Variants in TTN observed in about 807,000 individuals in gnomAD.
The protein encoded by TTN is titin, also known as connectin.
A neutral mutation model predicts 3,223.0 loss-of-function variants in TTN; 1,525 were observed. The observed-to-expected ratio is 0.47, with a 90% CI of 0.45 to 0.49. TTN has a LOEUF of 0.49. Among genes scored for constraint, TTN ranks in the 20% least tolerant of loss-of-function variants. The pLI is 0.00. For synonymous variants in TTN, 14,094 were observed against 15,161.0 expected (o/e 0.93, Z 5.17); for missense variants, 40,786 against 43,424.0 (o/e 0.94, Z 5.40).
rs2154143503 is a variant in TTN at position 178,543,436 on chromosome 2, C to T, written c.96537G>A (p.Val32179=). ...CAATGCCATAAATATTTTCTGGCAG[C>T]ACTCTGAAATAGTACATGGTTCCTT... ...LVEGTMYYFR[V]LPENIYGIGE... The change falls in exon 347 of 363, where the codon GTG becomes GTA. Residue 32179 remains valine (V), a synonymous_variant. Transcript: ENST00000589042. 1.2e-6 allele frequency: 2 copies of T among 1,613,792 alleles called. No individual in the cohort carries two copies. The highest frequency in any genetic ancestry group is 2.7e-5 in the African/African-American group (2 of 75,046).
rs2154208306 is a variant in TTN at position 178,616,895 on chromosome 2, A to G, written c.47994T>C (p.Phe15998=). 6.2e-7 allele frequency: 1 copy of G among 1,612,712 alleles called. No homozygotes were observed. Among genetic ancestry groups the G allele is most frequent in the Non-Finnish European group, 8.5e-7 (1 of 1,179,196 alleles). ...GYPRPTATWC[F]GDKVLETGDR... ...CCCCTGTTTCTAGTACTTTATCTCC[A>G]AAACACCAGGTTGCAGTTGGCCTTG... The change falls in exon 256 of 363, where the codon TTT becomes TTC. Residue 15998 remains phenylalanine, a synonymous_variant. Transcript: ENST00000589042.
intron 33 of TTN, 129 bp from the exon 34 acceptor site, chr2:178,771,600 G>GT (rs1424786850): frequency 1.5e-6 from 2 of 1,343,816 alleles, no homozygotes; most frequent in Non-Finnish European, 2.1e-6. Flanking sequence ...GTCTATGATT[G>GT]TTTTTACCCA....
In TTN at chr2:178,776,101, T is replaced by A; in HGVS notation, c.5763A>T (p.Ile1921=). ...KVTAENPEGV[I]EHKVKLEIQQ... Reference sequence around the variant, plus strand: ...GAATCTCAAGCTTCACTTTATGCTCTATCACACCTTCAGGATTTTCCGCGG... The same window carrying A: ...GAATCTCAAGCTTCACTTTATGCTCAATCACACCTTCAGGATTTTCCGCGG... The change falls in exon 28 of 363, where the codon ATA becomes ATT. Residue 1921 remains isoleucine (I), a synonymous_variant. Transcript: ENST00000589042. 4 of 1,614,176 alleles carry A rather than the reference T, an allele frequency of 2.5e-6. No individual in the cohort carries two copies. Among genetic ancestry groups the A allele is most frequent in the Non-Finnish European group, 3.4e-6 (4 of 1,180,000 alleles).
At position 178,630,786 on chromosome 2, in the gene TTN, G is replaced by A; in HGVS notation, c.44154+18C>T. ...ACACAGCTCCTTTAGGTGTTGACAA[G>A]TTCAGAAATAGCCTTACAGGTGTTT... On this transcript the variant is annotated intron_variant, in intron 238 of 362. Coordinates refer to ENST00000589042, the MANE Select transcript of TTN (RefSeq NM_001267550.2). 1 of 1,604,668 alleles carries A rather than the reference G, an allele frequency of 6.2e-7. No homozygotes were observed. Among genetic ancestry groups the A allele is most frequent in the East Asian group, 2.2e-5 (1 of 44,744 alleles).
At position 178,551,921 on chromosome 2, in the gene TTN, G is replaced by A; in HGVS notation, c.90979C>T (p.Pro30327Ser). The A allele has an allele frequency of 6.2e-7, 1 of 1,613,692 alleles. No individual in the cohort carries two copies. Among genetic ancestry groups the A allele is most frequent in the Non-Finnish European group, 8.5e-7 (1 of 1,179,702 alleles). ...TTGTATATAACTGGCTTTCCTGGGGGACCAGGAATCCTGAACTGGTGTTTT... is the reference window on the plus strand; with the variant it reads ...TTGTATATAACTGGCTTTCCTGGGGAACCAGGAATCCTGAACTGGTGTTTT... ...VAKHQFRIPG[P>S]PGKPVIYNVT... is the part of the protein sequence containing the mutation. The change falls in exon 335 of 363, where the codon CCC becomes TCC. Residue 30327 changes from proline to serine, a missense_variant. Coordinates refer to ENST00000589042, the MANE Select transcript of TTN (RefSeq NM_001267550.2).
chr2:178,786,098 G>A lies in TTN; in HGVS notation c.2120C>T (p.Ala707Val). ...KKAEAVATVV[A>V]AVDQARVREP... is the part of the protein sequence containing the mutation. ...TCTGACTCGGGCCTGGTCTACTGCA[G>A]CAACAACTGTTGCTACAGCTTCAGC... Residue 707 changes from alanine (A) to valine (V), a missense_variant, in exon 14 of 363, where the codon GCT becomes GTT. Physicochemically the swap from Ala to Val is moderately conservative, Grantham distance 64. Coordinates refer to ENST00000589042, the MANE Select transcript of TTN (RefSeq NM_001267550.2). The A allele has an allele frequency of 6.2e-7, 1 of 1,613,978 alleles. No homozygotes were observed.
Position 178,527,315 on chromosome 2 carries a change from GAA to G in TTN, c.107681-10_107681-9del, listed in dbSNP as rs777330565. 1 of 1,579,424 alleles carries G rather than the reference GAA, an allele frequency of 6.3e-7. No homozygotes were observed. Among genetic ancestry groups the G allele is most frequent in the East Asian group, 2.2e-5 (1 of 44,474 alleles). ...CAATTTTAGGCGGAATTCCTTTATGGAACAATGACAAAAAAAAGGTCTTAGAA... is the reference window on the plus strand; with the variant it reads ...CAATTTTAGGCGGAATTCCTTTATGGCAATGACAAAAAAAAGGTCTTAGAA... On this transcript the variant is annotated splice_polypyrimidine_tract_variant and intron_variant, in intron 362 of 362. Transcript: ENST00000589042.
chr2:178,685,683 A>C (rs2070671273), intron 127 of TTN, 85 bp from the exon 128 acceptor site: 5 of 1,350,996 alleles, frequency 3.7e-6, no homozygotes, highest in Non-Finnish European at 5.1e-6. Flanking sequence ...TCAAAGAGTA[A>C]TCAAAATAGC....
Position 178,713,976 on chromosome 2 carries a change from C to T in TTN, c.26682G>A (p.Pro8894=), listed in dbSNP as rs142812510. ...CAAAACTGTATACCCCACTGTCACT[C>T]GGTGCTACATTGATGATCTTAAGGC... ...VSGLKIINVA[P]SDSGVYSFEV... Residue 8894 remains proline (P), a synonymous_variant, in exon 92 of 363, where the codon CCG becomes CCA. Transcript: ENST00000589042. 5,981 of 1,613,606 alleles carry T rather than the reference C, an allele frequency of 3.7e-3. 37 individuals carry two copies. Among genetic ancestry groups the T allele is most frequent in the South Asian group, 0.017 (1,557 of 91,058 alleles).
intron 47 of TTN, chr2:178,752,025 C>A: frequency 6.3e-7 from 1 of 1,582,934 alleles, no homozygotes; most frequent in Admixed American, 1.9e-5. Context: ...TCAGATTCCC[C>A]CTCAGAGAAT....
rs767404466 is a variant in TTN, at chr2:178,664,099, C to G, written c.36281-1G>C. On this transcript the variant is annotated splice_acceptor_variant, in intron 168 of 362. Coordinates refer to ENST00000589042, the MANE Select transcript of TTN (RefSeq NM_001267550.2). LOFTEE classifies it high-confidence loss of function. The stretch of plus-strand genomic sequence containing the variant: ...ATAATCTCTTTGGGAGCTTCGTGCA[C>G]TTGAAAGATATTAGTATTTTTACAC... 6 of 1,607,266 alleles carry G rather than the reference C, an allele frequency of 3.7e-6. No individual in the cohort carries two copies. The highest frequency in any genetic ancestry group is 5.1e-6 in the Non-Finnish European group (6 of 1,178,092).
rs777365068 is a variant in TTN at position 178,781,230 on chromosome 2, T to C, written c.3414A>G (p.Glu1138=). 3.7e-6 allele frequency: 6 copies of C among 1,613,960 alleles called. No homozygotes were observed. Among genetic ancestry groups the C allele is most frequent in the African/African-American group, 2.7e-5 (2 of 74,946 alleles). The part of the protein sequence containing the change: ...YKVSYNKQTG[E]CKLVISMTFA... ...AAGTCATAGAAATCACCAGCTTGCATTCACCGGTTTGTTTGTTGTAACTCA... is the reference window on the plus strand; with the variant it reads ...AAGTCATAGAAATCACCAGCTTGCACTCACCGGTTTGTTTGTTGTAACTCA... The change falls in exon 21 of 363, where the codon GAA becomes GAG. Residue 1138 remains glutamate, a synonymous_variant. Coordinates refer to ENST00000589042, the MANE Select transcript of TTN (RefSeq NM_001267550.2).
Position 178,565,987 on chromosome 2 carries a change from G to A in TTN, c.80145C>T (p.Val26715=), listed in dbSNP as rs761074887. ...CACGTTTGTCAATCACATAGTTCTT[G>A]ACCTTTGCCCCTCCATCAATGATGG... ...EPPIIDGGAK[V]KNYVIDKRES... is the part of the protein sequence containing the mutation. The change falls in exon 326 of 363, where the codon GTC becomes GTT. Residue 26715 remains valine (V), a synonymous_variant. Transcript: ENST00000589042. 6.2e-7 allele frequency: 1 copy of A among 1,613,522 alleles called. No homozygotes were observed. Among genetic ancestry groups the A allele is most frequent in the East Asian group, 2.2e-5 (1 of 44,834 alleles).
Position 178,549,980 on chromosome 2 carries a change from A to T in TTN, c.91852+6T>A. Reference sequence around the variant, plus strand: ...TTGTAGCATTAAGAAGCTATTTTAAAAGTACCTTGTACTTTCACTTTAATT... The same window carrying T: ...TTGTAGCATTAAGAAGCTATTTTAATAGTACCTTGTACTTTCACTTTAATT... On this transcript the variant is annotated splice_donor_region_variant and intron_variant, in intron 337 of 362. Coordinates refer to ENST00000589042, the MANE Select transcript of TTN (RefSeq NM_001267550.2). The T allele has an allele frequency of 6.3e-7, 1 of 1,597,032 alleles. No individual in the cohort carries two copies. Among genetic ancestry groups the T allele is most frequent in the Non-Finnish European group, 8.5e-7 (1 of 1,169,714 alleles).
intron 304 of TTN, 84 bp from the exon 305 acceptor site, chr2:178,588,303 A>AATAT: frequency 7.7e-7 from 1 of 1,302,126 alleles, no homozygotes; most frequent in Non-Finnish European, 1.0e-6. Flanking sequence ...CAGTTAATCA[A>AATAT]ATATAGGTCA....
At position 178,575,468 on chromosome 2, in the gene TTN, T is replaced by C. The variant is rs1246011660; in HGVS notation, c.70664A>G (p.Lys23555Arg). ...TKSTVSLAWP[K>R]PKHDGGSKIT... ...CTTGCTGCCACCATCGTGTTTGGGCTTAGGCCATGCCAGGCTGACGGTGCT... is the reference window on the plus strand; with the variant it reads ...CTTGCTGCCACCATCGTGTTTGGGCCTAGGCCATGCCAGGCTGACGGTGCT... The change falls in exon 326 of 363, where the codon AAG (lysine) becomes AGG (arginine). Residue 23555 changes from lysine to arginine, a missense_variant. Transcript: ENST00000589042. The surrounding 1 kb of genome is among the most constrained non-coding windows in gnomAD (Gnocchi z 4.0). 1 of 1,613,646 alleles carries C rather than the reference T, an allele frequency of 6.2e-7. No individual in the cohort carries two copies. Among genetic ancestry groups the C allele is most frequent in the Non-Finnish European group, 8.5e-7 (1 of 1,179,664 alleles).
At chr2:178,779,188 T>C (rs2092541508) in intron 23 of TTN, 41 bp downstream of exon 23, 1 of 1,612,944 alleles carries the variant, frequency 6.2e-7, no homozygotes, top group Non-Finnish European at 8.5e-7. Context: ...AATTTGTATC[T>C]TTACTGTGGC....
At position 178,567,659 on chromosome 2, in the gene TTN, C is replaced by T; in HGVS notation, c.78473G>A (p.Arg26158Lys). The change falls in exon 326 of 363, where the codon AGA (arginine) becomes AAA (lysine). Residue 26158 changes from arginine to lysine, a missense_variant. Transcript: ENST00000589042. ...FTVSGLTEDQ[R>K]YEFRVIAKNA... ...CTTTGCAATGACTCTGAATTCATAT[C>T]TTTGATCTTCAGTAAGACCTGACAC... The T allele has an allele frequency of 6.2e-7, 1 of 1,612,340 alleles. No homozygotes were observed. The highest frequency in any genetic ancestry group is 8.5e-7 in the Non-Finnish European group (1 of 1,178,896).
At position 178,535,694 on chromosome 2, in the gene TTN, G is replaced by A. The variant is rs1357251504; in HGVS notation, c.100921C>T (p.His33641Tyr). Residue 33641 changes from histidine to tyrosine, a missense_variant, in exon 358 of 363, where the codon CAC (histidine) becomes TAC (tyrosine). By Grantham distance (83) the His-to-Tyr change is moderately conservative. Transcript: ENST00000589042. ...KGQDLIDNNG[H>Y]YQVIVTRSFT... ...GATCTTGTGACAATAACTTGGTAGT[G>A]GCCATTATTGTCAATGAGATCTTGT... The A allele has an allele frequency of 6.2e-7, 1 of 1,613,722 alleles. No individual in the cohort carries two copies. Among genetic ancestry groups the A allele is most frequent in the Admixed American group, 1.7e-5 (1 of 60,006 alleles).
Sources: gnomAD v4.1 joint callset for allele counts on GRCh38, gnomAD v4.1.1 for gene constraint, Gnocchi (gnomAD v3.1) non-coding constraint, MANE v1.5 for transcripts, NCBI Gene and HGNC (gene_info 2026-07-23, HGNC 2026-07-21) for gene names.